TERF2: variants seen among roughly 807,000 people sequenced by gnomAD.
TERF2 encodes the protein telomeric repeat-binding factor 2.
In TERF2, 16 loss-of-function variants were observed where a neutral mutation model predicts 56.1. The ratio of observed to expected loss-of-function variants is 0.29; its 90% CI spans 0.19 to 0.43. The LOEUF is 0.43. Ranked by LOEUF, TERF2 falls within the 20% of genes least tolerant of loss-of-function variation. The probability of loss-of-function intolerance (pLI) is 1.00; values close to 1 mark genes in which losing one functional copy is unlikely to be tolerated. For synonymous variants in TERF2, 296 were observed against 282.1 expected, an observed-to-expected ratio of 1.05 and a Z score of -0.50; for missense variants, 547 against 712.9, an observed-to-expected ratio of 0.77 and a Z score of 2.65.
At chr16:69,363,462 G>A (rs963523310) in intron 7 of TERF2, among the ~76,000 whole-genome samples, 1 of 152,174 alleles carries the variant, frequency 6.6e-6, no homozygotes, top group Non-Finnish European at 1.5e-5. Flanking sequence ...GGATGGGGCT[G>A]AGATCTGGCC....
chr16:69,366,915 T>G lies in TERF2; in HGVS notation c.1232A>C (p.Gln411Pro), dbSNP rs1226506993. 6.2e-7 allele frequency: 1 copy of G among 1,614,236 alleles called. No individual in the cohort carries two copies. The part of the protein sequence containing the change: ...ISRLVLEEDS[Q>P]STEPSAGLNS... ...GAGGCCTGCGCTGGGCTCAGTACTC[T>G]GGCTGTCCTCCTCCAAGACCAATCT... The change falls in exon 7 of 10, where the codon CAG becomes CCG. Residue 411 changes from glutamine to proline, a missense_variant. Transcript: ENST00000254942.
chr16:69,379,446 G>T (rs563595841), intron 3 of TERF2, among the ~76,000 whole-genome samples: 42 of 152,308 alleles, frequency 2.8e-4, no homozygotes, highest in African/African-American at 9.6e-4. Context: ...CATGCTATAC[G>T]TGTTGCTACC....
chr16:69,378,670 G>A (rs1387919341), intron 3 of TERF2, among the ~76,000 whole-genome samples: 1 of 152,110 alleles, frequency 6.6e-6, no homozygotes, highest in Non-Finnish European at 1.5e-5. Context: ...TGGTTTGGTG[G>A]AACTTCAAAT....
Position 69,356,179 on chromosome 16 carries a change from T to C in TERF2, c.*719A>G, listed in dbSNP as rs1468010263. The C allele has an allele frequency of 2.2e-6, 1 of 455,490 alleles. No individual in the cohort carries two copies. The highest frequency in any genetic ancestry group is 4.4e-6 in the Non-Finnish European group (1 of 226,608). 28.2% of individuals were successfully genotyped at this position (455,490 alleles called of 1,614,324 possible). On this transcript the variant is annotated 3_prime_UTR_variant, in exon 10 of 10. Transcript: ENST00000254942. ...TGCATCAGAAGGCCAGAACTTGACG[T>C]GGAACAAATTTACTCCAAATAATAC...
chr16:69,356,086 G>T lies in TERF2; in HGVS notation c.*812C>A. 2.6e-6 allele frequency: 1 copy of T among 388,700 alleles called. No individual in the cohort carries two copies. Among genetic ancestry groups the T allele is most frequent in the South Asian group, 1.9e-5 (1 of 51,720 alleles). 24.1% of individuals were successfully genotyped at this position (388,700 alleles called of 1,614,324 possible). On this transcript the variant is annotated 3_prime_UTR_variant, in exon 10 of 10. Transcript: ENST00000254942. ...CGACTGGCTAAAGAGTTTTTAAAGGGAATCTTATTCCACAAGGACTGGTCT... is the reference window on the plus strand; with the variant it reads ...CGACTGGCTAAAGAGTTTTTAAAGGTAATCTTATTCCACAAGGACTGGTCT...
At chr16:69,370,227 C>A in intron 5 of TERF2, 1 of 460,278 alleles carries the variant, frequency 2.2e-6, no homozygotes, top group South Asian at 4.8e-5. Context: ...GATGGGGTTT[C>A]ACCATGTTGC....
chr16:69,385,542 C>CG, intron 1 of TERF2, 51 bp downstream of exon 1: 3 of 1,590,512 alleles, frequency 1.9e-6, no homozygotes, highest in Non-Finnish European at 2.6e-6. Context: ...CCCGGTCCCC[C>CG]GGACCCCCTT....
rs904900930 is a variant in TERF2, at chr16:69,367,206, A to G, written c.948-7T>C. The G allele has an allele frequency of 1.9e-6, 3 of 1,596,468 alleles. No individual in the cohort carries two copies. In the African/African-American group the frequency reaches 4.0e-5, roughly 22 times the overall value. ...TGGAGGATTCCGTAGCTGCCTGCAA[A>G]TCAAGCATAGGCACAAAGATGTTTT... is the stretch of plus-strand genomic sequence containing the variant. On this transcript the variant is annotated splice_polypyrimidine_tract_variant and splice_region_variant and intron_variant, in intron 6 of 9. Transcript: ENST00000254942.
At chr16:69,371,706 T>C (rs1203190555) in intron 4 of TERF2, among the ~76,000 whole-genome samples, 2 of 151,930 alleles carry the variant, frequency 1.3e-5, no homozygotes, top group East Asian at 1.9e-4. Flanking sequence ...ACCCAGCTAC[T>C]GGGGAGGATG....
chr16:69,357,179 C>G, intron 9 of TERF2, 123 bp from the exon 10 acceptor site: 1 of 1,181,722 alleles, frequency 8.5e-7, no homozygotes, highest in Non-Finnish European at 1.2e-6. Context: ...GAAATCACAG[C>G]TTATGTTTTT....
rs1407904026 is a variant in TERF2, at chr16:69,372,342, C to T, written c.620G>A (p.Cys207Tyr). The change falls in exon 4 of 10, where the codon TGT becomes TAT. Residue 207 changes from cysteine (C) to tyrosine (Y), a missense_variant. Transcript: ENST00000254942. ...CTTTTCAAATTCTTTGTTTTTGATA[C>T]AAATAATGACAGCCTAAAAAGGAGG... ...KLVKEAAVII[C>Y]IKNKEFEKAS... 6.2e-7 allele frequency: 1 copy of T among 1,607,380 alleles called. No homozygotes were observed.
rs541240133 is a variant in TERF2 at position 69,372,394 on chromosome 16, T to C, written c.607-39A>G. 15 of 1,334,606 alleles carry C rather than the reference T, an allele frequency of 1.1e-5. No homozygotes were observed. The South Asian group carries it at 1.8e-4, about 16-fold the overall frequency. 82.7% of individuals were successfully genotyped at this position (1,334,606 alleles called of 1,614,324 possible). ...GAAAAATCTTTTTTTACTTTTGTAA[T>C]GACAGGTGTAATCAGAATATCAAAC... On this transcript the variant is annotated intron_variant, in intron 3 of 9. Coordinates refer to ENST00000254942, the MANE Select transcript of TERF2 (RefSeq NM_005652.5).
chr16:69,373,897 A>G (rs1347609006), intron 3 of TERF2, among the ~76,000 whole-genome samples: 1 of 109,624 alleles, frequency 9.1e-6, no homozygotes, highest in Non-Finnish European at 2.2e-5. Context: ...AAGAATGTAC[A>G]GAGACACAGA....
intron 7 of TERF2, 82 bp from the exon 8 acceptor site, chr16:69,361,571 G>A (rs937918061): frequency 2.9e-5 from 28 of 961,292 alleles, no homozygotes; most frequent in Non-Finnish European, 4.2e-5. Flanking sequence ...CTCACTCTTG[G>A]CCCTGTACTC....
At chr16:69,357,942 AG>A (rs1337875232) in intron 8 of TERF2, among the ~76,000 whole-genome samples, 9 of 139,940 alleles carry the variant, frequency 6.4e-5, no homozygotes, top group Non-Finnish European at 1.1e-4. Flanking sequence ...TCCGCCTCCC[AG>A]GTTCACCCCA....
At chr16:69,366,742 G>T in intron 7 of TERF2, 65 bp downstream of exon 7, 1 of 1,527,798 alleles carries the variant, frequency 6.5e-7, no homozygotes, top group Non-Finnish European at 8.8e-7. Context: ...ATTCACGGAA[G>T]TAATACCAGG....
chr16:69,360,474 C>A (rs551141977), intron 8 of TERF2, among the ~76,000 whole-genome samples: 2 of 151,756 alleles, frequency 1.3e-5, no homozygotes, highest in Admixed American at 1.3e-4. Context: ...GAGGATGAGG[C>A]AGACAGATTG....
At chr16:69,362,197 T>C (rs2013170597) in intron 7 of TERF2, among the ~76,000 whole-genome samples, 1 of 151,828 alleles carries the variant, frequency 6.6e-6, no homozygotes, top group Non-Finnish European at 1.5e-5. Context: ...CTTCCTTCCA[T>C]AAGCTCTGTA....
intron 2 of TERF2, 169 bp from the exon 3 acceptor site, chr16:69,384,879 A>G (rs1372258269): frequency 3.5e-6 from 2 of 568,194 alleles, no homozygotes; most frequent in Non-Finnish European, 5.4e-6. Context: ...TAAGGGTCCA[A>G]ATTCAAATCA....
Sources: allele counts gnomAD v4.1 joint callset (sites outside exome capture counted in the v4.1 genomes callset), GRCh38; gene constraint gnomAD v4.1.1; transcripts MANE v1.5; gene names NCBI Gene and HGNC (gene_info 2026-07-23, HGNC 2026-07-21).